Variants in ROBO1 observed in about 807,000 individuals in gnomAD.
ROBO1 encodes the protein roundabout homolog 1.
In ROBO1, 149 loss-of-function variants were observed where a neutral mutation model predicts 195.9. The ratio of observed to expected loss-of-function variants is 0.76; its 90% CI spans 0.67 to 0.87. The LOEUF is 0.87. Among genes scored for constraint, ROBO1 ranks in the 40% least tolerant of loss-of-function variants. ROBO1 has a pLI of 0.00. For synonymous variants in ROBO1, 816 were observed against 733.2 expected (o/e 1.11, Z -1.82); for missense variants, 1,933 against 2,068.3 (o/e 0.93, Z 1.27).
chr3:79,678,323 ATGT>A (rs771611006), intron 1 of ROBO1, among the ~76,000 whole-genome samples: 29 of 152,086 alleles, frequency 1.9e-4, no homozygotes, highest in African/African-American at 3.9e-4. Context: ...CACTAGAACA[ATGT>A]TGTATGCATA....
intron 1 of ROBO1, among the ~76,000 whole-genome samples, chr3:79,703,249 A>G (rs889245473): frequency 6.6e-6 from 1 of 151,796 alleles, no homozygotes; most frequent in African/African-American, 2.4e-5. Context: ...TATTTCTATC[A>G]TAATTAGTAT....
intron 2 of ROBO1, among the ~76,000 whole-genome samples, chr3:79,557,029 T>A (rs1285152529): frequency 6.6e-6 from 1 of 151,266 alleles, no homozygotes; most frequent in East Asian, 1.9e-4. Context: ...TGTTTTTTTT[T>A]TTTATTTTTG....
intron 2 of ROBO1, among the ~76,000 whole-genome samples, chr3:79,391,632 C>T (rs1343667048): frequency 6.6e-6 from 1 of 152,036 alleles, no homozygotes; most frequent in Admixed American, 6.6e-5. Context: ...ACAGAGATAT[C>T]TATGTGAATT....
At chr3:78,618,997 C>A (rs1196636329) in intron 26 of ROBO1, among the ~76,000 whole-genome samples, 1 of 152,024 alleles carries the variant, frequency 6.6e-6, no homozygotes, top group South Asian at 2.1e-4. Flanking sequence ...AGGAAGTCAT[C>A]CCCATGGGAG....
At chr3:78,769,986 C>T (rs138554086) in intron 4 of ROBO1, among the ~76,000 whole-genome samples, 17 of 152,256 alleles carry the variant, frequency 1.1e-4, no homozygotes, top group African/African-American at 3.4e-4. Flanking sequence ...TTTCCTGGTG[C>T]TTCTGTCTCA....
intron 2 of ROBO1, among the ~76,000 whole-genome samples, chr3:79,198,395 A>G (rs2081686251): frequency 6.6e-6 from 1 of 152,030 alleles, no homozygotes; most frequent in Non-Finnish European, 1.5e-5. Flanking sequence ...CCATTGGTCT[A>G]TATATCTGTT....
chr3:78,848,829 G>A (rs1317507345), intron 4 of ROBO1, among the ~76,000 whole-genome samples: 1 of 152,152 alleles, frequency 6.6e-6, no homozygotes, highest in East Asian at 1.9e-4. Context: ...CACTCTAGCT[G>A]CCTTGAGAAG....
chr3:79,226,452 C>T (rs2082228481), intron 2 of ROBO1, among the ~76,000 whole-genome samples: 1 of 152,086 alleles, frequency 6.6e-6, no homozygotes, highest in Admixed American at 6.6e-5. Flanking sequence ...CTGTCTTCAC[C>T]CTGTATAGAC....
chr3:79,761,614 A>C (rs1316881058), intron 1 of ROBO1, among the ~76,000 whole-genome samples: 2 of 152,170 alleles, frequency 1.3e-5, no homozygotes, highest in East Asian at 3.8e-4. Context: ...CTCAACTCTA[A>C]ATGCCATGTT....
chr3:79,707,454 A>T (rs1367010249), intron 1 of ROBO1, among the ~76,000 whole-genome samples: 5 of 151,922 alleles, frequency 3.3e-5, no homozygotes, highest in Non-Finnish European at 7.4e-5. Flanking sequence ...TTTTGCTCTC[A>T]TTGCTTTTTC....
chr3:79,330,273 G>A (rs898256104), intron 2 of ROBO1, among the ~76,000 whole-genome samples: 47 of 137,846 alleles, frequency 3.4e-4, no homozygotes, highest in Middle Eastern at 3.7e-3. Flanking sequence ...GTATATATAT[G>A]TATATATATA....
At chr3:79,346,098 C>T (rs1383554333) in intron 2 of ROBO1, among the ~76,000 whole-genome samples, 1 of 152,066 alleles carries the variant, frequency 6.6e-6, no homozygotes, top group East Asian at 1.9e-4. Flanking sequence ...TGAATAGATG[C>T]AGTGATATAC....
intron 2 of ROBO1, among the ~76,000 whole-genome samples, chr3:79,543,494 A>G (rs909163751): frequency 2.0e-5 from 3 of 152,064 alleles, no homozygotes; most frequent in Admixed American, 6.6e-5. Flanking sequence ...CAGTGGAAAG[A>G]AAGCACAGTG....
At chr3:79,549,812 AG>A (rs149304332) in intron 2 of ROBO1, among the ~76,000 whole-genome samples, 2,906 of 152,180 alleles carry the variant, frequency 0.019, 108 homozygotes, top group African/African-American at 0.066. Context: ...TTAAAAGTAA[AG>A]GGAATCTCAG....
intron 2 of ROBO1, among the ~76,000 whole-genome samples, chr3:79,508,243 T>G (rs925551649): frequency 6.6e-6 from 1 of 151,536 alleles, no homozygotes; most frequent in Non-Finnish European, 1.5e-5. Flanking sequence ...CCCTAGAACT[T>G]AAAGTATAAT....
intron 2 of ROBO1, among the ~76,000 whole-genome samples, chr3:79,237,253 C>T (rs542872813): frequency 1.3e-5 from 2 of 152,144 alleles, no homozygotes; most frequent in Admixed American, 6.5e-5. Flanking sequence ...GAGCCCGAGG[C>T]GGGCGGATCA....
chr3:79,610,360 C>T (rs1944619825), intron 1 of ROBO1, among the ~76,000 whole-genome samples: 2 of 97,254 alleles, frequency 2.1e-5, no homozygotes, highest in Admixed American at 1.4e-4. Context: ...TGAACGTGGG[C>T]TCCCTTTCTC....
chr3:79,713,210 G>A (rs1702344320), intron 1 of ROBO1, among the ~76,000 whole-genome samples: 1 of 151,954 alleles, frequency 6.6e-6, no homozygotes, highest in Non-Finnish European at 1.5e-5. Context: ...GGAGATTAAT[G>A]TTGTTTTCTG....
chr3:79,598,267 G>A (rs190208018), intron 1 of ROBO1, among the ~76,000 whole-genome samples: 19 of 152,092 alleles, frequency 1.2e-4, no homozygotes, highest in African/African-American at 3.9e-4. Flanking sequence ...AGACAGATAC[G>A]TTATTGATTA....
Sources: gnomAD v4.1 joint callset for allele counts (sites outside exome capture counted in the v4.1 genomes callset) on GRCh38, gnomAD v4.1.1 for gene constraint, MANE v1.5 for transcripts, NCBI Gene and HGNC (gene_info 2026-07-23, HGNC 2026-07-21) for gene names.